RBFOX1: variants seen among roughly 807,000 people sequenced by gnomAD.
The protein encoded by RBFOX1 is RNA binding fox-1 homolog 1.
RBFOX1 carries 8 observed loss-of-function variants against 57.7 expected under a neutral mutation model. The observed-to-expected ratio is 0.14, with a 90% CI of 0.08 to 0.25. The LOEUF is 0.25. Ranked by LOEUF, RBFOX1 falls within the 10% of genes least tolerant of loss-of-function variation. RBFOX1 has a pLI of 1.00. For synonymous variants in RBFOX1, 326 were observed against 222.4 expected (o/e 1.47, Z -4.15); for missense variants, 611 against 548.5 (o/e 1.11, Z -1.14).
In RBFOX1 at chr16:7,050,775, A is replaced by G. The variant is rs75539559; in HGVS notation, c.-15-1282A>G. Among the ~76,000 whole-genome samples, 90 of 152,148 alleles carry G rather than the reference A, an allele frequency of 5.9e-4. No homozygotes were observed. In the East Asian group the frequency reaches 0.015, roughly 25 times the overall value. On this transcript the variant is annotated intron_variant, in intron 3 of 15. Coordinates refer to ENST00000550418, the MANE Select transcript of RBFOX1 (RefSeq NM_018723.4). ...TATATTTTTTAATTTTTCCATTATC[A>G]CACATAATGTTTATAATTTCTTTTT...
intron 2 of RBFOX1, among the ~76,000 whole-genome samples, chr16:5,487,291 C>G (rs867395738): frequency 1.3e-5 from 2 of 152,192 alleles, no homozygotes; most frequent in Admixed American, 6.5e-5. Flanking sequence ...TCTATTGTTT[C>G]TTGAGTTCGT....
At chr16:7,393,444 C>T (rs771002324) in intron 4 of RBFOX1, among the ~76,000 whole-genome samples, 4 of 152,122 alleles carry the variant, frequency 2.6e-5, no homozygotes, top group Admixed American at 1.3e-4. Context: ...TATAGGAGCA[C>T]ACTTTTTATA....
intron 3 of RBFOX1, among the ~76,000 whole-genome samples, chr16:6,687,964 C>T (rs1042911872): frequency 2.6e-5 from 4 of 152,190 alleles, no homozygotes; most frequent in African/African-American, 9.6e-5. Flanking sequence ...TGAAAGATGA[C>T]ACATGCTAAC....
At chr16:5,257,178 C>CAA (rs71404514) in intron 1 of RBFOX1, among the ~76,000 whole-genome samples, 10 of 150,360 alleles carry the variant, frequency 6.7e-5, no homozygotes, top group African/African-American at 2.2e-4. Context: ...ACAGAAAACT[C>CAA]AAAAAAAAAC....
At chr16:6,957,250 G>A (rs1355853872) in intron 3 of RBFOX1, among the ~76,000 whole-genome samples, 1 of 151,730 alleles carries the variant, frequency 6.6e-6, no homozygotes, top group East Asian at 1.9e-4. Flanking sequence ...TCCTGCCTCA[G>A]CCTCCCGAGT....
At chr16:6,770,437 C>T (rs757632673) in intron 3 of RBFOX1, among the ~76,000 whole-genome samples, 4 of 152,194 alleles carry the variant, frequency 2.6e-5, no homozygotes, top group African/African-American at 9.7e-5. Flanking sequence ...TACCCAGCTG[C>T]ACCTATGCAA....
chr16:6,494,210 C>T (rs115352933), intron 2 of RBFOX1, among the ~76,000 whole-genome samples: 1 of 152,210 alleles, frequency 6.6e-6, no homozygotes, highest in Non-Finnish European at 1.5e-5. Flanking sequence ...ATCCACTGAC[C>T]TTATTTGAAT....
intron 3 of RBFOX1, among the ~76,000 whole-genome samples, chr16:6,895,448 GTATATATATATATATATATATATATA>G (rs71147622): frequency 1.8e-5 from 1 of 54,610 alleles, no homozygotes; most frequent in Non-Finnish European, 3.3e-5. Flanking sequence ...GTGTGTGTGT[GTATATATATATATATATATATATATA>G]TATATATATA....
chr16:6,368,646 T>G (rs1278207349), intron 2 of RBFOX1, among the ~76,000 whole-genome samples: 1 of 152,258 alleles, frequency 6.6e-6, no homozygotes, highest in South Asian at 2.1e-4. Context: ...TTTATCTATT[T>G]TACCACTTTG....
chr16:7,492,495 A>G (rs574355101), intron 4 of RBFOX1, among the ~76,000 whole-genome samples: 2 of 152,286 alleles, frequency 1.3e-5, no homozygotes, highest in Admixed American at 6.5e-5. Flanking sequence ...GTCCTGTCTC[A>G]TATGACAGCC....
chr16:6,888,592 G>C (rs577229043), intron 3 of RBFOX1, among the ~76,000 whole-genome samples: 7 of 152,158 alleles, frequency 4.6e-5, no homozygotes, highest in African/African-American at 1.7e-4. Context: ...CGTAGGGTTA[G>C]AAGTGCATTT....
chr16:5,493,588 T>A (rs77783881), intron 2 of RBFOX1, among the ~76,000 whole-genome samples: 1,901 of 151,634 alleles, frequency 0.013, 19 homozygotes, highest in Middle Eastern at 0.037. Flanking sequence ...ATATTTTCCA[T>A]ACACACCTAT....
At chr16:5,685,138 T>A (rs1011003952) in intron 3 of RBFOX1, among the ~76,000 whole-genome samples, 2 of 152,122 alleles carry the variant, frequency 1.3e-5, no homozygotes, top group Non-Finnish European at 2.9e-5. Context: ...TTCAGCAAGA[T>A]CAGCAGGAAC....
intron 1 of RBFOX1, among the ~76,000 whole-genome samples, chr16:5,412,775 G>A (rs755885108): frequency 1.3e-5 from 2 of 152,240 alleles, no homozygotes; most frequent in Admixed American, 6.5e-5. Context: ...TAATCAGCCC[G>A]CCCTAGGGCT....
chr16:6,992,574 C>T (rs993711539), intron 3 of RBFOX1, among the ~76,000 whole-genome samples: 6 of 151,952 alleles, frequency 3.9e-5, no homozygotes, highest in African/African-American at 1.2e-4. Flanking sequence ...CCTCAGTAGT[C>T]GTGGTATTTC....
At chr16:6,026,866 G>C (rs562532228) in intron 1 of RBFOX1, among the ~76,000 whole-genome samples, 6 of 152,276 alleles carry the variant, frequency 3.9e-5, no homozygotes, top group East Asian at 3.9e-4. Flanking sequence ...GGCAGTCCTT[G>C]GGCATCATGC....
At chr16:5,343,042 A>G (rs2065065292) in intron 1 of RBFOX1, among the ~76,000 whole-genome samples, 2 of 152,148 alleles carry the variant, frequency 1.3e-5, no homozygotes, top group South Asian at 4.1e-4. Context: ...TACCACATTA[A>G]TCAATAAGGA....
intron 4 of RBFOX1, among the ~76,000 whole-genome samples, chr16:7,328,298 G>A (rs1568230048): frequency 6.6e-6 from 1 of 152,018 alleles, no homozygotes; most frequent in African/African-American, 2.4e-5. Flanking sequence ...TGGCCAACGT[G>A]GTGAAACCCT....
chr16:5,334,205 A>G lies in RBFOX1; in HGVS notation c.219+94100A>G, dbSNP rs1201739431. Among the ~76,000 whole-genome samples the G allele has an allele frequency of 3.3e-5, 5 of 152,262 alleles. No homozygotes were observed. The South Asian group carries it at 1.0e-3, about 32-fold the overall frequency. On this transcript the variant is annotated intron_variant, in intron 1 of 2. Coordinates refer to the RBFOX1 transcript ENST00000585867. ...GAGGGGAGGATATCTTGGGGCTGAC[A>G]TCTCTCCGGCCAGAGGAGAGGTTAT...
Sources: allele counts gnomAD v4.1 joint callset (sites outside exome capture counted in the v4.1 genomes callset), GRCh38; gene constraint gnomAD v4.1.1; transcripts MANE v1.5; gene names NCBI Gene and HGNC (gene_info 2026-07-23, HGNC 2026-07-21).